The following PLAT variants were observed in gnomAD, a reference collection of about 807,000 sequenced individuals.
The protein encoded by PLAT is tissue-type plasminogen activator.
A neutral mutation model predicts 74.9 loss-of-function variants in PLAT; 48 were observed. The ratio of observed to expected loss-of-function variants is 0.64; its 90% CI spans 0.51 to 0.82. The LOEUF (loss-of-function observed/expected upper bound fraction) is 0.82, where lower values mean the gene tolerates loss of function less well. PLAT is among the 40% of genes least tolerant of loss of function. The pLI is 0.00. For missense variants in PLAT, 673 were observed against 736.2 expected (o/e 0.91, Z 0.99); for synonymous variants, 307 against 294.4 (o/e 1.04, Z -0.44).
chr8:42,190,242 A>G (rs1805633062), intron 3 of PLAT, among the ~76,000 whole-genome samples: 1 of 152,066 alleles, frequency 6.6e-6, no homozygotes, highest in South Asian at 2.1e-4. Flanking sequence ...ACTTTTTCTC[A>G]TTGTAATTCA....
chr8:42,198,074 T>C (rs1027521770), intron 1 of PLAT, among the ~76,000 whole-genome samples: 2 of 152,190 alleles, frequency 1.3e-5, no homozygotes, highest in Non-Finnish European at 2.9e-5. Flanking sequence ...GGTTCACGCC[T>C]GTAACCCCAG....
intron 1 of PLAT, among the ~76,000 whole-genome samples, chr8:42,196,261 G>A (rs1274809495): frequency 6.6e-6 from 1 of 152,210 alleles, no homozygotes; most frequent in Non-Finnish European, 1.5e-5. Context: ...TAAGAGATAA[G>A]AGAGCAGGAG....
chr8:42,193,199 C>T lies in PLAT; in HGVS notation c.-14G>A, dbSNP rs190634528. 45 of 1,610,134 alleles carry T rather than the reference C, an allele frequency of 2.8e-5. No homozygotes were observed. The Admixed American group carries it at 3.8e-4, about 14-fold the overall frequency. ...CATTGCATCCATGATTGCTTCACAGCGTCCCTTAAATTCTGGAAGGAGAGA... is the reference window on the plus strand; with the variant it reads ...CATTGCATCCATGATTGCTTCACAGTGTCCCTTAAATTCTGGAAGGAGAGA... On this transcript the variant is annotated 5_prime_UTR_variant, in exon 2 of 14. Transcript: ENST00000220809.
At chr8:42,192,264 A>G (rs953299241) in intron 2 of PLAT, among the ~76,000 whole-genome samples, 10 of 152,132 alleles carry the variant, frequency 6.6e-5, no homozygotes, top group Non-Finnish European at 1.3e-4. Context: ...TCGGCCTCCC[A>G]AAGTGCTGAG....
intron 13 of PLAT, among the ~76,000 whole-genome samples, chr8:42,178,152 A>G (rs1805044789): frequency 6.6e-6 from 1 of 151,798 alleles, no homozygotes; most frequent in South Asian, 2.1e-4. Flanking sequence ...AGTTTTGAAA[A>G]CTTCTTTCTC....
At chr8:42,192,431 A>T (rs1032310457) in intron 2 of PLAT, among the ~76,000 whole-genome samples, 1 of 152,188 alleles carries the variant, frequency 6.6e-6, no homozygotes, top group African/African-American at 2.4e-5. Flanking sequence ...CTGTAACCCC[A>T]GAGTTTTGGG....
rs1371463913 is a variant in PLAT, at chr8:42,187,895, C to T, written c.364+11G>A. The stretch of plus-strand genomic sequence containing the variant: ...GATTTCAGCTCGTTTCACGTGCTCT[C>T]ACCTACTCACCTATTTCACAGCACT... On this transcript the variant is annotated intron_variant, in intron 5 of 13. Transcript: ENST00000220809. The T allele has an allele frequency of 1.4e-5, 22 of 1,527,830 alleles. No individual in the cohort carries two copies. In the African/African-American group the frequency reaches 1.6e-4, roughly 11 times the overall value. The allele number at this position is 1,527,830 out of a possible 1,614,324, so 94.6% of individuals were successfully genotyped here.
At chr8:42,187,625 C>A in intron 5 of PLAT, 53 bp from the exon 6 acceptor site, 1 of 1,490,562 alleles carries the variant, frequency 6.7e-7, no homozygotes, top group Non-Finnish European at 9.1e-7. Context: ...TTTCATTCAG[C>A]CCTCAGGAGG....
At chr8:42,178,421 C>G (rs1246841813) in intron 13 of PLAT, among the ~76,000 whole-genome samples, 1 of 152,150 alleles carries the variant, frequency 6.6e-6, no homozygotes, top group African/African-American at 2.4e-5. Flanking sequence ...CAGGCATGTG[C>G]CACCATGCCA....
chr8:42,182,023 C>G lies in PLAT; in HGVS notation c.804-1G>C, dbSNP rs1342662073. ...GGGCTTGGCATCCCCATCAGGATTC[C>G]TAAATGATAAGAGAGTTTAAGGTTT... On this transcript the variant is annotated splice_acceptor_variant, in intron 8 of 13. Coordinates refer to ENST00000220809, the MANE Select transcript of PLAT (RefSeq NM_000930.5). LOFTEE classifies it high-confidence loss of function. The G allele has an allele frequency of 5.0e-6, 8 of 1,584,842 alleles. No homozygotes were observed. The highest frequency in any genetic ancestry group is 6.9e-6 in the Non-Finnish European group (8 of 1,153,360).
chr8:42,195,641 GACTT>G (rs1291872342), intron 1 of PLAT: 1 of 152,186 alleles, frequency 6.6e-6, no homozygotes, highest in Admixed American at 6.5e-5. Context: ...TCATCACAGA[GACTT>G]ACTCCAGATC....
In PLAT at chr8:42,179,042, C is replaced by T. The variant is rs199540133; in HGVS notation, c.1385G>A (p.Arg462Gln). The stretch of plus-strand genomic sequence containing the variant: ...CAGTCTGACATGAGCCTCCTTCAGC[C>T]GCTCCGAATAGAAAGGAGACACTGA... ...HEALSPFYSE[R>Q]LKEAHVRLYP... Residue 462 changes from arginine to glutamine, a missense_variant, in exon 13 of 14, where the codon CGG becomes CAG. By Grantham distance (43) the Arg-to-Gln change is conservative (BLOSUM62 1). Coordinates refer to ENST00000220809, the MANE Select transcript of PLAT (RefSeq NM_000930.5). 169 of 1,612,556 alleles carry T rather than the reference C, an allele frequency of 1.0e-4. 3 individuals carry two copies. In the South Asian group the frequency reaches 1.6e-3, roughly 15 times the overall value.
intron 1 of PLAT, among the ~76,000 whole-genome samples, chr8:42,194,251 T>A (rs924851755): frequency 6.9e-3 from 347 of 50,202 alleles, no homozygotes; most frequent in African/African-American, 0.021. Context: ...AGTGTGTGTG[T>A]GTGTGTGTGT....
At chr8:42,202,243 C>T (rs749943463) in intron 1 of PLAT, among the ~76,000 whole-genome samples, 16 of 151,728 alleles carry the variant, frequency 1.1e-4, no homozygotes, top group Admixed American at 3.3e-4. Context: ...GTTCAAGACC[C>T]GGGCTGGTTT....
At chr8:42,191,034 G>T (rs2129763894) in intron 3 of PLAT, among the ~76,000 whole-genome samples, 1 of 152,340 alleles carries the variant, frequency 6.6e-6, no homozygotes, top group East Asian at 1.9e-4. Context: ...CAAGCCACTT[G>T]CTCTCTCCTG....
chr8:42,194,017 C>T (rs1805793369), intron 1 of PLAT, among the ~76,000 whole-genome samples: 1 of 131,702 alleles, frequency 7.6e-6, no homozygotes, highest in South Asian at 2.5e-4. Context: ...CCCCCGCTGC[C>T]TTTTTTTCTT....
chr8:42,196,816 T>G (rs536306834), intron 1 of PLAT, among the ~76,000 whole-genome samples: 1 of 150,346 alleles, frequency 6.7e-6, no homozygotes, highest in Non-Finnish European at 1.5e-5. Context: ...TAGTAGCTTC[T>G]CAGGATCATC....
chr8:42,184,024 T>C (rs1187293931), intron 7 of PLAT, among the ~76,000 whole-genome samples: 1 of 152,026 alleles, frequency 6.6e-6, no homozygotes, highest in Non-Finnish European at 1.5e-5. Context: ...CACTGTGGCC[T>C]CAACCTCCTG....
intron 6 of PLAT, 32 bp downstream of exon 6, chr8:42,187,366 G>T (rs774576649): frequency 5.9e-5 from 90 of 1,522,422 alleles, no homozygotes; most frequent in Non-Finnish European, 7.6e-5. Context: ...GCTTCTCACA[G>T]GGGGAATCCC....
Sources: allele counts gnomAD v4.1 joint callset (sites outside exome capture counted in the v4.1 genomes callset), GRCh38; gene constraint gnomAD v4.1.1; transcripts MANE v1.5; gene names NCBI Gene and HGNC (gene_info 2026-07-23, HGNC 2026-07-21).